Variants in TXNRD1 observed in about 807,000 individuals in gnomAD.
TXNRD1 encodes the protein thioredoxin reductase 1.
A neutral mutation model predicts 80.3 loss-of-function variants in TXNRD1; 57 were observed. The ratio of observed to expected loss-of-function variants is 0.71; its 90% CI spans 0.57 to 0.89. The LOEUF (loss-of-function observed/expected upper bound fraction) is 0.89, where lower values mean the gene tolerates loss of function less well. Among genes scored for constraint, TXNRD1 ranks in the 40% least tolerant of loss-of-function variants. The pLI is 0.00. For missense variants in TXNRD1, 730 were observed against 803.0 expected (o/e 0.91, Z 1.10); for synonymous variants, 291 against 285.2 (o/e 1.02, Z -0.20).
At position 104,321,242 on chromosome 12, in the gene TXNRD1, G is replaced by A; in HGVS notation, c.1141G>A (p.Asp381Asn). 6.2e-7 allele frequency: 1 copy of A among 1,613,880 alleles called. No individual in the cohort carries two copies. The highest frequency in any genetic ancestry group is 8.5e-7 in the Non-Finnish European group (1 of 1,179,846). The part of the protein sequence containing the change: ...RSILLRGFDQ[D>N]MANKIGEHME... ...CATTCTTCTTAGAGGATTTGACCAG[G>A]ACATGGCCAACAAAATTGGTGAACA... The change falls in exon 10 of 17, where the codon GAC becomes AAC. Residue 381 changes from aspartate to asparagine, a missense_variant. Asp to Asn is a conservative substitution (Grantham distance 23, BLOSUM62 1). Transcript: ENST00000525566.
intron 1 of TXNRD1, among the ~76,000 whole-genome samples, chr12:104,244,096 A>T: frequency 6.6e-6 from 1 of 152,200 alleles, no homozygotes; most frequent in East Asian, 1.9e-4. Context: ...TCCCACAGCT[A>T]AGTGGCTGAT....
At chr12:104,289,304 A>G (rs1237268318) in intron 4 of TXNRD1, 1 of 341,052 alleles carries the variant, frequency 2.9e-6, no homozygotes, top group Non-Finnish European at 5.4e-6. Context: ...TTTTTCTCCT[A>G]TTTCCCCTTC....
intron 1 of TXNRD1, among the ~76,000 whole-genome samples, chr12:104,224,021 T>C (rs1173751558): frequency 2.6e-5 from 4 of 152,216 alleles, no homozygotes; most frequent in African/African-American, 9.7e-5. Flanking sequence ...CGCACTGGAT[T>C]AGTCAAAGCT....
chr12:104,303,995 G>A (rs1258170169), intron 4 of TXNRD1: 2 of 1,609,424 alleles, frequency 1.2e-6, no homozygotes, highest in Admixed American at 1.7e-5. Context: ...CTCTGGGGAG[G>A]CCGACGTAGA....
At chr12:104,309,617 C>A in intron 4 of TXNRD1, 1 of 466,116 alleles carries the variant, frequency 2.1e-6, no homozygotes, top group Non-Finnish European at 3.8e-6. Flanking sequence ...TCCAGCAGAA[C>A]ATCTAACTGG....
intron 16 of TXNRD1, among the ~76,000 whole-genome samples, chr12:104,342,642 G>A (rs1043848107): frequency 5.9e-5 from 9 of 152,120 alleles, no homozygotes; most frequent in Non-Finnish European, 8.8e-5. Flanking sequence ...AGCTTAGAGA[G>A]TTAAAAATAT....
intron 14 of TXNRD1, among the ~76,000 whole-genome samples, chr12:104,331,995 T>G (rs752647480): frequency 2.0e-5 from 3 of 152,194 alleles, no homozygotes; most frequent in Non-Finnish European, 2.9e-5. Flanking sequence ...GATTTAATTT[T>G]CATTTTCTAA....
At chr12:104,271,875 A>C (rs1313966796) in intron 3 of TXNRD1, among the ~76,000 whole-genome samples, 1 of 152,000 alleles carries the variant, frequency 6.6e-6, no homozygotes, top group African/African-American at 2.4e-5. Context: ...ATCTCAAAAA[A>C]AAAAAAAGTA....
intron 1 of TXNRD1, among the ~76,000 whole-genome samples, chr12:104,224,496 C>A (rs1399720895): frequency 1.3e-5 from 2 of 152,146 alleles, no homozygotes; most frequent in African/African-American, 2.4e-5. Flanking sequence ...TGAGGCAATT[C>A]TTCTGCCTCA....
chr12:104,253,630 G>A (rs993444675), intron 2 of TXNRD1, among the ~76,000 whole-genome samples: 13 of 152,068 alleles, frequency 8.5e-5, no homozygotes, highest in East Asian at 5.8e-4. Context: ...CCCCCGCACC[G>A]CCTGCCACTT....
chr12:104,325,740 C>T (rs1261011793), intron 11 of TXNRD1, among the ~76,000 whole-genome samples: 2 of 152,058 alleles, frequency 1.3e-5, no homozygotes, highest in Admixed American at 6.6e-5. Flanking sequence ...GGCGTGGTGG[C>T]GTGCGCCTGT....
intron 4 of TXNRD1, chr12:104,289,600 C>T (rs1357179555): frequency 2.0e-5 from 3 of 152,596 alleles, no homozygotes; most frequent in Admixed American, 1.3e-4. Flanking sequence ...GAAGTCTTCC[C>T]TTTGGCTGGT....
chr12:104,331,925 T>C (rs1235202392), intron 14 of TXNRD1, among the ~76,000 whole-genome samples: 1 of 152,154 alleles, frequency 6.6e-6, no homozygotes, highest in East Asian at 1.9e-4. Flanking sequence ...CATTTTCTTA[T>C]ATAGCCGTAG....
intron 3 of TXNRD1, among the ~76,000 whole-genome samples, chr12:104,287,661 C>T (rs1294568610): frequency 6.6e-6 from 1 of 152,068 alleles, no homozygotes; most frequent in Non-Finnish European, 1.5e-5. Flanking sequence ...AAGTGGCGTG[C>T]CCAGCTGGAC....
chr12:104,222,943 A>G (rs1390811092), intron 1 of TXNRD1, among the ~76,000 whole-genome samples: 1 of 152,232 alleles, frequency 6.6e-6, no homozygotes, highest in Non-Finnish European at 1.5e-5. Flanking sequence ...GCTGTAATAA[A>G]ATAGTAAACA....
chr12:104,317,592 C>T (rs1021439443), intron 7 of TXNRD1, among the ~76,000 whole-genome samples: 14 of 152,228 alleles, frequency 9.2e-5, no homozygotes, highest in African/African-American at 3.4e-4. Context: ...GTAATCCCAA[C>T]AGTTTAGGAG....
chr12:104,286,158 G>A (rs1287585629), intron 3 of TXNRD1: 3 of 152,200 alleles, frequency 2.0e-5, no homozygotes, highest in Non-Finnish European at 4.4e-5. Flanking sequence ...ATTATCCAAA[G>A]AAGTGGGAAA....
rs996085716 is a variant in TXNRD1 at position 104,331,476 on chromosome 12, CTTTTTT to C, written c.1543-54_1543-49del. The C allele has an allele frequency of 2.6e-6, 3 of 1,157,024 alleles. No homozygotes were observed. The African/African-American group carries it at 4.7e-5, about 18-fold the overall frequency. The allele number at this position is 1,157,024 out of a possible 1,614,324, so 71.7% of individuals were successfully genotyped here. On this transcript the variant is annotated intron_variant, in intron 13 of 16. Transcript: ENST00000525566. ...TGTCAATTTTGACTTTTTTGAATAC[CTTTTTT>C]TTTAAGTTATAACTTTGCCTATTAT...
intron 1 of TXNRD1, among the ~76,000 whole-genome samples, chr12:104,249,824 A>G (rs1223799513): frequency 6.6e-6 from 1 of 150,856 alleles, no homozygotes; most frequent in Non-Finnish European, 1.5e-5. Flanking sequence ...AGTCCCAGCT[A>G]CTCGCGAGGC....
Sources: gnomAD v4.1 joint callset for allele counts (sites outside exome capture counted in the v4.1 genomes callset) on GRCh38, gnomAD v4.1.1 for gene constraint, MANE v1.5 for transcripts, NCBI Gene and HGNC (gene_info 2026-07-23, HGNC 2026-07-21) for gene names.